The following PDCD1LG2 variants were observed in gnomAD, a reference collection of about 807,000 sequenced individuals.
PDCD1LG2 encodes the protein B7 dendritic cell molecule.
A neutral mutation model predicts 28.2 loss-of-function variants in PDCD1LG2; 32 were observed. The ratio of observed to expected loss-of-function variants is 1.13; its 90% CI spans 0.86 to 1.52. The LOEUF (loss-of-function observed/expected upper bound fraction) is 1.52, where lower values mean the gene tolerates loss of function less well. Among genes scored for constraint, PDCD1LG2 ranks in the 40% most tolerant of loss-of-function variants. The probability of loss-of-function intolerance (pLI) is 0.00; values close to 1 mark genes in which losing one functional copy is unlikely to be tolerated. For synonymous variants in PDCD1LG2, 116 were observed against 120.2 expected, an observed-to-expected ratio of 0.97 and a Z score of 0.23; for missense variants, 385 against 323.8, an observed-to-expected ratio of 1.19 and a Z score of -1.45.
intron 3 of PDCD1LG2, among the ~76,000 whole-genome samples, chr9:5,540,698 C>A (rs1005033848): frequency 6.6e-6 from 1 of 151,996 alleles, no homozygotes; most frequent in Non-Finnish European, 1.5e-5. Flanking sequence ...CAATAACAAG[C>A]AGCAAGATTG....
intron 1 of PDCD1LG2, among the ~76,000 whole-genome samples, chr9:5,513,154 C>A (rs191852081): frequency 6.6e-6 from 1 of 152,242 alleles, no homozygotes; most frequent in Non-Finnish European, 1.5e-5. Context: ...CACTATTTCC[C>A]GATTGGCAGC....
At chr9:5,525,885 A>G (rs1448945831) in intron 2 of PDCD1LG2, among the ~76,000 whole-genome samples, 1 of 152,082 alleles carries the variant, frequency 6.6e-6, no homozygotes, top group South Asian at 2.1e-4. Context: ...CGTCTCTACA[A>G]AAAATACAAA....
intron 2 of PDCD1LG2, among the ~76,000 whole-genome samples, chr9:5,527,808 C>G (rs1426834333): frequency 1.3e-5 from 2 of 151,962 alleles, no homozygotes; most frequent in African/African-American, 4.8e-5. Flanking sequence ...CCTCATCCTT[C>G]CCAGCACTGG....
intron 3 of PDCD1LG2, among the ~76,000 whole-genome samples, chr9:5,545,747 C>A (rs1359236780): frequency 6.6e-6 from 1 of 152,108 alleles, no homozygotes; most frequent in Non-Finnish European, 1.5e-5. Flanking sequence ...AAAATCTGAA[C>A]AACACAATTA....
chr9:5,570,132 G>C lies in PDCD1LG2; in HGVS notation c.*173G>C. On this transcript the variant is annotated 3_prime_UTR_variant, in exon 7 of 7. Transcript: ENST00000397747. ...ACAAGACTAGCCAACACCTGGCCAT[G>C]AAACTTGCCCCTTCACTGATCTGGA... 1.2e-6 allele frequency: 1 copy of C among 813,446 alleles called. No homozygotes were observed. Among genetic ancestry groups the C allele is most frequent in the Non-Finnish European group, 2.1e-6 (1 of 482,348 alleles). 50.4% of individuals were successfully genotyped at this position (813,446 alleles called of 1,614,324 possible). A position where few individuals can be genotyped will look rare whatever the true frequency, so the allele number is the denominator to read the frequency against.
intron 4 of PDCD1LG2, among the ~76,000 whole-genome samples, chr9:5,555,970 A>G (rs1048602457): frequency 2.0e-5 from 3 of 152,270 alleles, no homozygotes; most frequent in Non-Finnish European, 4.4e-5. Context: ...TAGGAGGATC[A>G]GGCTAGGTGG....
chr9:5,544,733 G>T (rs1222365501), intron 3 of PDCD1LG2, among the ~76,000 whole-genome samples: 1 of 134,572 alleles, frequency 7.4e-6, no homozygotes, highest in Non-Finnish European at 1.6e-5. Context: ...ACGAAGGCTG[G>T]CTGATGGCCT....
At chr9:5,516,883 G>A (rs574293839) in intron 1 of PDCD1LG2, among the ~76,000 whole-genome samples, 3 of 152,296 alleles carry the variant, frequency 2.0e-5, no homozygotes, top group African/African-American at 4.8e-5. Flanking sequence ...GGACTTCCTG[G>A]GCCCCTGAGA....
chr9:5,538,200 T>C (rs188505737), intron 3 of PDCD1LG2, among the ~76,000 whole-genome samples: 33 of 152,306 alleles, frequency 2.2e-4, no homozygotes, highest in Admixed American at 9.8e-4. Flanking sequence ...GTTATTTGTC[T>C]TATTTATTTA....
intron 3 of PDCD1LG2, among the ~76,000 whole-genome samples, chr9:5,542,953 G>A (rs190316415): frequency 7.9e-5 from 12 of 151,940 alleles, no homozygotes; most frequent in Non-Finnish European, 1.2e-4. Flanking sequence ...ATCAGTGAGT[G>A]GATAAAGAAA....
At chr9:5,516,208 C>A (rs543944633) in intron 1 of PDCD1LG2, among the ~76,000 whole-genome samples, 6 of 152,090 alleles carry the variant, frequency 3.9e-5, no homozygotes, top group Non-Finnish European at 7.4e-5. Context: ...CCCACCACTA[C>A]ATCCAGCTAA....
intron 2 of PDCD1LG2, among the ~76,000 whole-genome samples, chr9:5,528,598 C>T (rs117102532): frequency 6.6e-6 from 1 of 152,028 alleles, no homozygotes; most frequent in Non-Finnish European, 1.5e-5. Context: ...AGCCACTGCA[C>T]CTGGCCTTAG....
intron 1 of PDCD1LG2, among the ~76,000 whole-genome samples, chr9:5,516,836 G>T (rs1820175079): frequency 6.6e-6 from 1 of 152,234 alleles, no homozygotes; most frequent in Admixed American, 6.5e-5. Flanking sequence ...AGAGGCCAGG[G>T]AGTGGGAGCA....
intron 6 of PDCD1LG2, among the ~76,000 whole-genome samples, chr9:5,568,783 T>C (rs952917950): frequency 6.6e-6 from 1 of 152,190 alleles, no homozygotes; most frequent in African/African-American, 2.4e-5. Context: ...ACAGCTTCAC[T>C]CACCTGTGCC....
At chr9:5,557,843 T>C (rs1816477858) in intron 5 of PDCD1LG2, 91 bp downstream of exon 5, 7 of 1,497,054 alleles carry the variant, frequency 4.7e-6, no homozygotes, top group Non-Finnish European at 6.4e-6. Context: ...CTTGCTGCTT[T>C]CATGCTAAAC....
intron 1 of PDCD1LG2, among the ~76,000 whole-genome samples, chr9:5,513,576 T>C (rs927038741): frequency 1.3e-5 from 2 of 152,262 alleles, no homozygotes; most frequent in Non-Finnish European, 2.9e-5. Context: ...TATAAAGGCT[T>C]ATAAAAAGTG....
chr9:5,520,991 G>A (rs971999412), intron 1 of PDCD1LG2, among the ~76,000 whole-genome samples: 5 of 152,132 alleles, frequency 3.3e-5, no homozygotes, highest in African/African-American at 1.2e-4. Context: ...GAATGGGTAA[G>A]CAAAATGTGG....
chr9:5,528,250 C>A (rs994051059), intron 2 of PDCD1LG2, among the ~76,000 whole-genome samples: 5 of 147,392 alleles, frequency 3.4e-5, no homozygotes, highest in Admixed American at 2.0e-4. Flanking sequence ...ATATAATATA[C>A]ATATTTTATA....
At chr9:5,520,574 A>G (rs1820254624) in intron 1 of PDCD1LG2, among the ~76,000 whole-genome samples, 1 of 152,212 alleles carries the variant, frequency 6.6e-6, no homozygotes, top group South Asian at 2.1e-4. Flanking sequence ...AATCTTTGTG[A>G]CCTTGACTAG....
Sources: allele counts gnomAD v4.1 joint callset (sites outside exome capture counted in the v4.1 genomes callset), GRCh38; gene constraint gnomAD v4.1.1; transcripts MANE v1.5; gene names NCBI Gene and HGNC (gene_info 2026-07-23, HGNC 2026-07-21).